Variants in OTUD7A observed in about 807,000 individuals in gnomAD.
OTUD7A encodes the protein OTU domain-containing protein 7A.
Under a neutral mutation model 65.7 loss-of-function variants are expected in OTUD7A, and 12 were observed. The ratio of observed to expected loss-of-function variants is 0.18; its 90% CI spans 0.12 to 0.30. The LOEUF (loss-of-function observed/expected upper bound fraction) is 0.30. Among genes scored for constraint, OTUD7A ranks in the 10% least tolerant of loss-of-function variants. OTUD7A has a pLI of 1.00. For synonymous variants in OTUD7A, 641 were observed against 586.3 expected, an observed-to-expected ratio of 1.09 and a Z score of -1.35; for missense variants, 1,148 against 1,304.8, an observed-to-expected ratio of 0.88 and a Z score of 1.85.
chr15:31,847,092 C>T (rs1007430530), intron 1 of OTUD7A, among the ~76,000 whole-genome samples: 1 of 152,246 alleles, frequency 6.6e-6, no homozygotes, highest in African/African-American at 2.4e-5. Flanking sequence ...GTAGCCTGGG[C>T]ATCCTTGTGA....
chr15:31,807,017 C>G (rs953293524), intron 1 of OTUD7A, among the ~76,000 whole-genome samples: 4 of 152,212 alleles, frequency 2.6e-5, no homozygotes, highest in Non-Finnish European at 5.9e-5. Context: ...TGCCACTCTA[C>G]CACTCTTCCC....
At chr15:31,625,241 C>T (rs997610666) in intron 3 of OTUD7A, among the ~76,000 whole-genome samples, 5 of 152,042 alleles carry the variant, frequency 3.3e-5, no homozygotes, top group African/African-American at 1.2e-4. Context: ...ACTGTAGCCT[C>T]GAGAAGGACC....
At chr15:31,691,294 A>G (rs912543092) in intron 1 of OTUD7A, among the ~76,000 whole-genome samples, 2 of 152,250 alleles carry the variant, frequency 1.3e-5, no homozygotes, top group Admixed American at 6.5e-5. Flanking sequence ...ATCCTGAGCA[A>G]AAAGAACAAA....
chr15:31,534,624 T>C lies in OTUD7A; in HGVS notation c.551-3816A>G, dbSNP rs75693604. On this transcript the variant is annotated intron_variant, in intron 5 of 12. Transcript: ENST00000307050. ...AAGGAAGAGATAACACTATTCTTCTTAGCAGAGAACATGATAGTTCACACA... is the reference window on the plus strand; with the variant it reads ...AAGGAAGAGATAACACTATTCTTCTCAGCAGAGAACATGATAGTTCACACA... Among the ~76,000 whole-genome samples, 7 of 152,326 alleles carry C rather than the reference T, an allele frequency of 4.6e-5. No individual in the cohort carries two copies. In the East Asian group the frequency reaches 5.8e-4, roughly 13 times the overall value.
intron 1 of OTUD7A, among the ~76,000 whole-genome samples, chr15:31,864,768 C>T (rs922045638): frequency 6.6e-6 from 1 of 151,048 alleles, no homozygotes; most frequent in Non-Finnish European, 1.5e-5. Flanking sequence ...CCTACACACA[C>T]ACACACACAC....
chr15:31,766,238 A>G, intron 1 of OTUD7A: 2 of 1,548,012 alleles, frequency 1.3e-6, no homozygotes, highest in Non-Finnish European at 1.8e-6. Context: ...GAGAAACGGT[A>G]TGTATCAACA....
chr15:31,492,582 CA>C (rs60414638), intron 10 of OTUD7A, among the ~76,000 whole-genome samples: 9,531 of 121,456 alleles, frequency 0.078, 278 homozygotes, highest in African/African-American at 0.14. Context: ...GACTCTGTCT[CA>C]AAAAAAAAAA....
intron 1 of OTUD7A, among the ~76,000 whole-genome samples, chr15:31,857,308 C>T (rs1897600953): frequency 6.6e-6 from 1 of 152,188 alleles, no homozygotes; most frequent in South Asian, 2.1e-4. Context: ...TACAGGGACA[C>T]TGGAGCTGGT....
At chr15:31,521,191 T>C (rs2041932349) in intron 8 of OTUD7A, among the ~76,000 whole-genome samples, 1 of 152,176 alleles carries the variant, frequency 6.6e-6, no homozygotes, top group African/African-American at 2.4e-5. Flanking sequence ...GGGTAATGGG[T>C]ACGCTAAAAT....
intron 1 of OTUD7A, among the ~76,000 whole-genome samples, chr15:31,725,680 G>T (rs551580015): frequency 1.3e-5 from 2 of 152,186 alleles, no homozygotes; most frequent in Non-Finnish European, 2.9e-5. Flanking sequence ...AAAGCTACAC[G>T]TGGCTCTGTA....
rs559866187 is a variant in OTUD7A at position 31,630,445 on chromosome 15, T to C, written c.151+24651A>G. Among the ~76,000 whole-genome samples, 6 of 152,376 alleles carry C rather than the reference T, an allele frequency of 3.9e-5. No individual in the cohort carries two copies. In the South Asian group the frequency reaches 1.2e-3, roughly 32 times the overall value. ...CCTGAGTTCTAGTTTGATTGCACTG[T>C]GGTCTGAGAGACAGTTTGTTATAAT... On this transcript the variant is annotated intron_variant, in intron 3 of 12. Transcript: ENST00000307050.
At chr15:31,682,414 A>G (rs1892739103) in intron 1 of OTUD7A, among the ~76,000 whole-genome samples, 1 of 152,202 alleles carries the variant, frequency 6.6e-6, no homozygotes, top group Admixed American at 6.5e-5. Context: ...AGAAAGATAA[A>G]CTAGATTAGC....
In OTUD7A at chr15:31,613,358, A is replaced by G. The variant is rs1890487300; in HGVS notation, c.151+41738T>C. Among the ~76,000 whole-genome samples, 4 of 152,360 alleles carry G rather than the reference A, an allele frequency of 2.6e-5. No individual in the cohort carries two copies. In the South Asian group the frequency reaches 8.3e-4, roughly 32 times the overall value. On this transcript the variant is annotated intron_variant, in intron 3 of 12. Coordinates refer to ENST00000307050, the MANE Select transcript of OTUD7A (RefSeq NM_001382637.1). Reference sequence around the variant, plus strand: ...GGAACAGCCAGCAGAGTAAACAGACAACCTCCAGAGTGGGAGAAAATCTTC... The same window carrying G: ...GGAACAGCCAGCAGAGTAAACAGACGACCTCCAGAGTGGGAGAAAATCTTC...
intron 1 of OTUD7A, among the ~76,000 whole-genome samples, chr15:31,870,288 G>C (rs1350641937): frequency 6.8e-6 from 1 of 147,722 alleles, no homozygotes; most frequent in East Asian, 2.0e-4. Flanking sequence ...GTCCGGAGCG[G>C]AGCCCGCAAT....
chr15:31,658,423 C>A (rs1417365388), intron 1 of OTUD7A, among the ~76,000 whole-genome samples: 1 of 152,140 alleles, frequency 6.6e-6, no homozygotes. Context: ...GGGGCTCCTG[C>A]CTTCAATTCC....
At chr15:31,685,572 T>G (rs1892818188) in intron 1 of OTUD7A, among the ~76,000 whole-genome samples, 1 of 151,596 alleles carries the variant, frequency 6.6e-6, no homozygotes, top group South Asian at 2.1e-4. Flanking sequence ...GGCAGGAAAA[T>G]GGTGTGAACC....
chr15:31,602,107 G>A (rs368530359), intron 3 of OTUD7A, among the ~76,000 whole-genome samples: 3,929 of 152,254 alleles, frequency 0.026, 76 homozygotes, highest in Middle Eastern at 0.061. Flanking sequence ...CATTTTATGA[G>A]GCCAGCATCA....
At chr15:31,786,214 T>A (rs1259278792) in intron 1 of OTUD7A, among the ~76,000 whole-genome samples, 2 of 152,048 alleles carry the variant, frequency 1.3e-5, no homozygotes, top group African/African-American at 4.8e-5. Flanking sequence ...AAAAATAAAT[T>A]CCTTTCTTTA....
At chr15:31,792,207 A>G (rs1895836116) in intron 1 of OTUD7A, among the ~76,000 whole-genome samples, 1 of 152,106 alleles carries the variant, frequency 6.6e-6, no homozygotes, top group African/African-American at 2.4e-5. Flanking sequence ...CACTTTATTT[A>G]CTTCATAAAA....
Sources: gnomAD v4.1 joint callset for allele counts (sites outside exome capture counted in the v4.1 genomes callset) on GRCh38, gnomAD v4.1.1 for gene constraint, MANE v1.5 for transcripts, NCBI Gene and HGNC (gene_info 2026-07-23, HGNC 2026-07-21) for gene names.